Variants in FRMD3 observed in about 807,000 individuals in gnomAD.
The protein encoded by FRMD3 is FERM domain containing 3, also known as FERM domain-containing protein 3.
Under a neutral mutation model 70.2 loss-of-function variants are expected in FRMD3, and 33 were observed. The ratio of observed to expected loss-of-function variants is 0.47; its 90% CI spans 0.36 to 0.63. The LOEUF is 0.63. Ranked by LOEUF, FRMD3 falls within the 20% of genes least tolerant of loss-of-function variation. FRMD3 has a pLI of 0.00. For synonymous variants in FRMD3, 279 were observed against 255.9 expected, an observed-to-expected ratio of 1.09 and a Z score of -0.86; for missense variants, 632 against 711.4, an observed-to-expected ratio of 0.89 and a Z score of 1.27.
At chr9:83,366,464 T>C (rs755645036) in intron 3 of FRMD3, among the ~76,000 whole-genome samples, 18 of 152,006 alleles carry the variant, frequency 1.2e-4, no homozygotes, top group Non-Finnish European at 1.5e-4. Context: ...TCCCAGCTAC[T>C]CAGGAAGCTG....
chr9:83,567,382 G>A, the FRMD3 span, among the ~76,000 whole-genome samples: 1 of 152,174 alleles, frequency 6.6e-6, no homozygotes, highest in Non-Finnish European at 1.5e-5. Flanking sequence ...GGACTGCCGT[G>A]AAGTTCTCTG....
intron 1 of FRMD3, among the ~76,000 whole-genome samples, chr9:83,438,268 A>G (rs1226104041): frequency 1.3e-5 from 2 of 152,228 alleles, no homozygotes; most frequent in Non-Finnish European, 2.9e-5. Flanking sequence ...CAGCTTTTAA[A>G]TTGCTGAAAT....
chr9:83,253,592 G>C (rs57747270), intron 13 of FRMD3, among the ~76,000 whole-genome samples: 5 of 151,974 alleles, frequency 3.3e-5, no homozygotes, highest in East Asian at 1.9e-4. Context: ...TTAGAATGGC[G>C]ATCATTAAAA....
At chr9:83,547,328 T>C in the FRMD3 span, among the ~76,000 whole-genome samples, 1 of 148,584 alleles carries the variant, frequency 6.7e-6, no homozygotes, top group Non-Finnish European at 1.5e-5. Flanking sequence ...TATATAATAT[T>C]ATATATAATT....
chr9:83,296,031 G>T (rs2119002906), intron 12 of FRMD3, among the ~76,000 whole-genome samples: 1 of 152,324 alleles, frequency 6.6e-6, no homozygotes, highest in South Asian at 2.1e-4. Flanking sequence ...TTGAAGAGTA[G>T]AATATCAGAA....
At chr9:83,568,172 C>T in the FRMD3 span, among the ~76,000 whole-genome samples, 3 of 152,142 alleles carry the variant, frequency 2.0e-5, no homozygotes, top group African/African-American at 7.2e-5. Flanking sequence ...GCAGAAACCC[C>T]TGATAAACCC....
chr9:83,554,402 T>A, the FRMD3 span, among the ~76,000 whole-genome samples: 1 of 152,122 alleles, frequency 6.6e-6, no homozygotes, highest in Admixed American at 6.5e-5. Flanking sequence ...GAGGAAGAGA[T>A]CTTAGTAGTG....
the FRMD3 span, among the ~76,000 whole-genome samples, chr9:83,567,927 A>G: frequency 3.3e-5 from 5 of 152,312 alleles, no homozygotes; most frequent in Admixed American, 3.3e-4. Flanking sequence ...ACCCAGTTCC[A>G]AAGTCACTTC....
chr9:83,473,182 C>A (rs553915326), intron 1 of FRMD3, among the ~76,000 whole-genome samples: 2 of 152,314 alleles, frequency 1.3e-5, no homozygotes, highest in South Asian at 4.1e-4. Flanking sequence ...CCACAGGACT[C>A]CAGCCCCTAG....
At chr9:83,419,349 C>T (rs1826555545) in intron 1 of FRMD3, among the ~76,000 whole-genome samples, 1 of 152,096 alleles carries the variant, frequency 6.6e-6, no homozygotes, top group African/African-American at 2.4e-5. Context: ...TTGTTAGGAG[C>T]AGTTTTATCA....
At chr9:83,533,897 T>C (rs930190481) in intron 1 of FRMD3, among the ~76,000 whole-genome samples, 2 of 152,168 alleles carry the variant, frequency 1.3e-5, no homozygotes, top group Admixed American at 6.5e-5. Flanking sequence ...TTTGCCAAAG[T>C]ATGAATAATG....
intron 1 of FRMD3, among the ~76,000 whole-genome samples, chr9:83,441,708 A>T (rs1209057325): frequency 6.6e-6 from 1 of 152,180 alleles, no homozygotes; most frequent in African/African-American, 2.4e-5. Context: ...CATGAAATTC[A>T]TTGCCATTTT....
At chr9:83,370,423 G>A (rs1210406491) in intron 3 of FRMD3, among the ~76,000 whole-genome samples, 2 of 152,064 alleles carry the variant, frequency 1.3e-5, no homozygotes, top group African/African-American at 2.4e-5. Flanking sequence ...TTTTTTGTTC[G>A]GTAATGTCTT....
chr9:83,415,384 T>C (rs577320053), intron 1 of FRMD3, among the ~76,000 whole-genome samples: 141 of 151,368 alleles, frequency 9.3e-4, no homozygotes, highest in African/African-American at 3.2e-3. Flanking sequence ...AGGAAATAGA[T>C]AAGTGAACAA....
intron 1 of FRMD3, among the ~76,000 whole-genome samples, chr9:83,519,691 C>A (rs989790740): frequency 9.2e-5 from 14 of 152,288 alleles, no homozygotes; most frequent in African/African-American, 3.4e-4. Context: ...GACACATGCA[C>A]ACATATGTTT....
intron 1 of FRMD3, among the ~76,000 whole-genome samples, chr9:83,528,721 T>G (rs1829735315): frequency 6.6e-6 from 1 of 152,008 alleles, no homozygotes; most frequent in African/African-American, 2.4e-5. Flanking sequence ...AAACACAGGG[T>G]TTCACCATGT....
chr9:83,275,982 C>T (rs1017800771), intron 13 of FRMD3: 8 of 152,170 alleles, frequency 5.3e-5, no homozygotes, highest in Admixed American at 3.3e-4. Context: ...GAGGTTCATC[C>T]GAGGCACAAT....
At chr9:83,464,652 G>T (rs115378498) in intron 1 of FRMD3, among the ~76,000 whole-genome samples, 526 of 152,230 alleles carry the variant, frequency 3.5e-3, no homozygotes, top group African/African-American at 0.012. Context: ...TGGACACCTC[G>T]TTCCTGGGTT....
chr9:83,474,539 G>A (rs1828348205), intron 1 of FRMD3, among the ~76,000 whole-genome samples: 1 of 151,958 alleles, frequency 6.6e-6, no homozygotes. Context: ...CCTGTTTCTG[G>A]GGCACTGTGA....
Sources: gnomAD v4.1 joint callset for allele counts (sites outside exome capture counted in the v4.1 genomes callset) on GRCh38, gnomAD v4.1.1 for gene constraint, MANE v1.5 for transcripts, NCBI Gene and HGNC (gene_info 2026-07-23, HGNC 2026-07-21) for gene names.